PRKAA2: variants seen among roughly 807,000 people sequenced by gnomAD.
PRKAA2 encodes the protein 5'-AMP-activated protein kinase catalytic subunit alpha-2.
In PRKAA2, 40 loss-of-function variants were observed where a neutral mutation model predicts 56.3. That is an observed-to-expected ratio of 0.71 (90% CI 0.55 to 0.92). The LOEUF is 0.92. Ranked by LOEUF, PRKAA2 falls within the 40% of genes least tolerant of loss-of-function variation. The pLI is 0.00. For missense variants in PRKAA2, 542 were observed against 686.9 expected, an observed-to-expected ratio of 0.79 and a Z score of 2.36; for synonymous variants, 214 against 234.2, an observed-to-expected ratio of 0.91 and a Z score of 0.79.
Position 56,692,424 on chromosome 1 carries a change from CA to C in PRKAA2, c.398del (p.His133LeufsTer8). 6.2e-7 allele frequency: 1 copy of C among 1,614,040 alleles called. No homozygotes were observed. Among genetic ancestry groups the C allele is most frequent in the Non-Finnish European group, 8.5e-7 (1 of 1,179,938 alleles). On this transcript the variant is annotated frameshift_variant, in exon 4 of 9. Coordinates refer to ENST00000371244, the MANE Select transcript of PRKAA2 (RefSeq NM_006252.4). LOFTEE classifies it high-confidence loss of function. ...GTCTGCTGTGGATTACTGTCATAGG[CA>C]TATGGTTGTTCATCGAGACCTGAAA... is the stretch of plus-strand genomic sequence containing the variant. ...ILSAVDYCHRHMVVHRDLKPE... is the reference protein window; with the variant it reads ...ILSAVDYCHRXMVVHRDLKPE...
chr1:56,666,976 T>C (rs1644040814), intron 1 of PRKAA2, among the ~76,000 whole-genome samples: 1 of 152,152 alleles, frequency 6.6e-6, no homozygotes, highest in Non-Finnish European at 1.5e-5. Flanking sequence ...AACACCATCG[T>C]ACAAAATTCT....
chr1:56,651,545 A>C (rs972715835), intron 1 of PRKAA2, among the ~76,000 whole-genome samples: 13 of 152,238 alleles, frequency 8.5e-5, no homozygotes, highest in African/African-American at 3.1e-4. Context: ...CTGTAAAGTC[A>C]AAATGCCTAG....
chr1:56,712,907 T>A lies in PRKAA2; in HGVS notation c.*5194T>A, dbSNP rs1644378536. The A allele has an allele frequency of 6.6e-6, 1 of 152,118 alleles. No homozygotes were observed. Among genetic ancestry groups the A allele is most frequent in the South Asian group, 2.1e-4 (1 of 4,828 alleles). 9.4% of individuals were successfully genotyped at this position (152,118 alleles called of 1,614,324 possible). ...GCCCCAGTCCCTGTCTAAATTGTTA[T>A]AGTTTTTGACTATTATCTGAATTAG... On this transcript the variant is annotated 3_prime_UTR_variant, in exon 9 of 9. Coordinates refer to ENST00000371244, the MANE Select transcript of PRKAA2 (RefSeq NM_006252.4).
intron 1 of PRKAA2, among the ~76,000 whole-genome samples, chr1:56,646,880 T>C (rs1053613793): frequency 6.6e-6 from 1 of 152,220 alleles, no homozygotes; most frequent in African/African-American, 2.4e-5. Flanking sequence ...GGCACTGTTC[T>C]AGGCAATGAG....
At position 56,706,121 on chromosome 1, in the gene PRKAA2, A is replaced by G. The variant is rs765070919; in HGVS notation, c.1323A>G (p.Arg441=). ...KVVNAYHLRV[R]RKNPVTGNYV... ...TGAATGCATACCATCTTCGTGTAAG[A>G]AGAAAAAATCCAGTGACTGGCAATT... Residue 441 remains arginine (R), a synonymous_variant, in exon 8 of 9, where the codon AGA becomes AGG. Coordinates refer to ENST00000371244, the MANE Select transcript of PRKAA2 (RefSeq NM_006252.4). 1 of 1,612,122 alleles carries G rather than the reference A, an allele frequency of 6.2e-7. No individual in the cohort carries two copies. Among genetic ancestry groups the G allele is most frequent in the Non-Finnish European group, 8.5e-7 (1 of 1,178,336 alleles).
intron 1 of PRKAA2, among the ~76,000 whole-genome samples, chr1:56,655,644 GGAGATTA>G (rs1643936081): frequency 6.6e-6 from 1 of 151,926 alleles, no homozygotes; most frequent in Non-Finnish European, 1.5e-5. Flanking sequence ...CTCCAACATT[GGAGATTA>G]AATTTCAGTG....
rs916126969 is a variant in PRKAA2, at chr1:56,708,031, A to G, written c.*318A>G. Reference sequence around the variant, plus strand: ...CACACCACACTGGCGAACCATCTCAATGTAAGGGTGGTTTGGCAACACCTC... The same window carrying G: ...CACACCACACTGGCGAACCATCTCAGTGTAAGGGTGGTTTGGCAACACCTC... On this transcript the variant is annotated 3_prime_UTR_variant, in exon 9 of 9. Coordinates refer to ENST00000371244, the MANE Select transcript of PRKAA2 (RefSeq NM_006252.4). 3.0e-5 allele frequency: 9 copies of G among 303,276 alleles called. No homozygotes were observed. The highest frequency in any genetic ancestry group is 1.6e-4 in the East Asian group (2 of 12,774). 18.8% of individuals were successfully genotyped at this position (303,276 alleles called of 1,614,324 possible).
chr1:56,700,470 T>C (rs1644286755), intron 6 of PRKAA2, among the ~76,000 whole-genome samples: 1 of 152,168 alleles, frequency 6.6e-6, no homozygotes, highest in African/African-American at 2.4e-5. Context: ...TGCATTTGTT[T>C]CTGGCCTTTC....
intron 2 of PRKAA2, among the ~76,000 whole-genome samples, chr1:56,678,026 C>A (rs1313771040): frequency 6.6e-6 from 1 of 152,156 alleles, no homozygotes; most frequent in Non-Finnish European, 1.5e-5. Flanking sequence ...TACTTTCAAT[C>A]ATTTTATTTT....
At chr1:56,693,629 T>C in intron 4 of PRKAA2, 136 bp from the exon 5 acceptor site, 1 of 531,794 alleles carries the variant, frequency 1.9e-6, no homozygotes, top group South Asian at 3.9e-5. Context: ...TTAAATGCTT[T>C]CCACTGCTTT....
chr1:56,657,572 A>G (rs1297385596), intron 1 of PRKAA2, among the ~76,000 whole-genome samples: 2 of 152,126 alleles, frequency 1.3e-5, no homozygotes, highest in Non-Finnish European at 2.9e-5. Flanking sequence ...GCTACTCGGG[A>G]GGCTGAGGCA....
chr1:56,680,553 C>A (rs951635432), intron 2 of PRKAA2, among the ~76,000 whole-genome samples: 1 of 152,114 alleles, frequency 6.6e-6, no homozygotes, highest in African/African-American at 2.4e-5. Context: ...GTTCCCCTTC[C>A]TGTGTCCAAG....
chr1:56,686,988 G>A (rs568870522), intron 2 of PRKAA2, among the ~76,000 whole-genome samples: 10 of 151,070 alleles, frequency 6.6e-5, no homozygotes, highest in African/African-American at 2.2e-4. Context: ...AGGTTCAAGC[G>A]ATTCTCGTAC....
At chr1:56,671,441 T>C (rs1001816353) in intron 1 of PRKAA2, 4 of 152,202 alleles carry the variant, frequency 2.6e-5, no homozygotes, top group African/African-American at 9.7e-5. Flanking sequence ...CTTATTTTAA[T>C]TGAATAGAAA....
At chr1:56,649,529 G>C (rs1646670061) in intron 1 of PRKAA2, among the ~76,000 whole-genome samples, 1 of 152,058 alleles carries the variant, frequency 6.6e-6, no homozygotes, top group South Asian at 2.1e-4. Context: ...TTGATTGATT[G>C]ATTGATAGAA....
At position 56,707,715 on chromosome 1, in the gene PRKAA2, C is replaced by T. The variant is rs765600104; in HGVS notation, c.*2C>T. Reference sequence around the variant, plus strand: ...CTGATTACTACTTTAGCCCGTTGATCTGTCTCTAGTTTCTTTCTGTTATTG... The same window carrying T: ...CTGATTACTACTTTAGCCCGTTGATTTGTCTCTAGTTTCTTTCTGTTATTG... On this transcript the variant is annotated 3_prime_UTR_variant, in exon 9 of 9. Coordinates refer to ENST00000371244, the MANE Select transcript of PRKAA2 (RefSeq NM_006252.4). The T allele has an allele frequency of 6.4e-7, 1 of 1,573,466 alleles. No homozygotes were observed. The highest frequency in any genetic ancestry group is 1.1e-5 in the South Asian group (1 of 90,218).
Position 56,710,522 on chromosome 1 carries a change from T to C in PRKAA2, c.*2809T>C, listed in dbSNP as rs1438289147. On this transcript the variant is annotated 3_prime_UTR_variant, in exon 9 of 9. Coordinates refer to ENST00000371244, the MANE Select transcript of PRKAA2 (RefSeq NM_006252.4). ...GGAAATACATTTTTTAGGAAAATAC[T>C]GTCCCAGAATGCCATAATTAGGGTA... 2.0e-5 allele frequency: 3 copies of C among 152,134 alleles called. No individual in the cohort carries two copies. The highest frequency in any genetic ancestry group is 4.4e-5 in the Non-Finnish European group (3 of 67,996). The allele number at this position is 152,134 out of a possible 1,614,324, so 9.4% of individuals were successfully genotyped here.
chr1:56,703,552 C>CAGAT (rs1236022206), intron 6 of PRKAA2, among the ~76,000 whole-genome samples: 1 of 152,098 alleles, frequency 6.6e-6, no homozygotes, highest in Non-Finnish European at 1.5e-5. Context: ...TGACCTCACT[C>CAGAT]AGATAAGTGG....
Position 56,707,923 on chromosome 1 carries a change from A to G in PRKAA2, c.*210A>G. 1.7e-6 allele frequency: 1 copy of G among 585,530 alleles called. No individual in the cohort carries two copies. Among genetic ancestry groups the G allele is most frequent in the Non-Finnish European group, 3.0e-6 (1 of 334,740 alleles). 36.3% of individuals were successfully genotyped at this position (585,530 alleles called of 1,614,324 possible). On this transcript the variant is annotated 3_prime_UTR_variant, in exon 9 of 9. Transcript: ENST00000371244. ...TCTGTAATTCTATTGTGCCTATGATAAATTCACATAGGCAATATCTTTAAT... is the reference window on the plus strand; with the variant it reads ...TCTGTAATTCTATTGTGCCTATGATGAATTCACATAGGCAATATCTTTAAT...
Sources: allele counts gnomAD v4.1 joint callset (sites outside exome capture counted in the v4.1 genomes callset), GRCh38; gene constraint gnomAD v4.1.1; transcripts MANE v1.5; gene names NCBI Gene and HGNC (gene_info 2026-07-23, HGNC 2026-07-21).